PTPRM: variants seen among roughly 807,000 people sequenced by gnomAD.
PTPRM encodes protein tyrosine phosphatase receptor type M.
In PTPRM, 47 loss-of-function variants were observed where a neutral mutation model predicts 186.7. The observed-to-expected ratio is 0.25, with a 90% confidence interval of 0.20 to 0.32. PTPRM has a LOEUF of 0.32. Ranked by LOEUF, PTPRM falls within the 10% of genes least tolerant of loss-of-function variation. The probability of loss-of-function intolerance (pLI) is 1.00; values close to 1 mark genes in which losing one functional copy is unlikely to be tolerated. For missense variants in PTPRM, 1,494 were observed against 1,865.0 expected, an observed-to-expected ratio of 0.80 and a Z score of 3.66; for synonymous variants, 668 against 674.9, an observed-to-expected ratio of 0.99 and a Z score of 0.16.
chr18:8,191,471 A>G (rs1206707828), intron 14 of PTPRM, among the ~76,000 whole-genome samples: 1 of 152,212 alleles, frequency 6.6e-6, no homozygotes, highest in Non-Finnish European at 1.5e-5. Flanking sequence ...GGAAGAGGCA[A>G]GGGAATAGGA....
chr18:8,327,502 GTTGGCATAAAAC>G (rs2095384972), intron 22 of PTPRM, among the ~76,000 whole-genome samples: 1 of 152,230 alleles, frequency 6.6e-6, no homozygotes, highest in South Asian at 2.1e-4. Flanking sequence ...CTTGTAGTGA[GTTGGCATAAAAC>G]ATAAGCTCAG....
chr18:7,990,566 T>A (rs989096047), intron 7 of PTPRM, among the ~76,000 whole-genome samples: 1 of 152,180 alleles, frequency 6.6e-6, no homozygotes, highest in African/African-American at 2.4e-5. Context: ...GTTAAAAGCC[T>A]CAAATGGGTT....
intron 20 of PTPRM, among the ~76,000 whole-genome samples, chr18:8,311,035 G>A (rs147846719): frequency 6.0e-4 from 92 of 152,312 alleles, no homozygotes; most frequent in African/African-American, 2.0e-3. Flanking sequence ...TAGGCTGGGC[G>A]TGGTGGCTCA....
At chr18:7,780,605 T>G (rs2042807974) in intron 2 of PTPRM, among the ~76,000 whole-genome samples, 2 of 152,272 alleles carry the variant, frequency 1.3e-5, no homozygotes, top group South Asian at 4.1e-4. Context: ...TAGCTGTTCG[T>G]GGAACGACTA....
chr18:8,236,714 G>A (rs550022676), intron 14 of PTPRM, among the ~76,000 whole-genome samples: 167 of 151,914 alleles, frequency 1.1e-3, no homozygotes, highest in African/African-American at 3.8e-3. Flanking sequence ...GTTAATTTTT[G>A]TATTTTTGGT....
intron 7 of PTPRM, among the ~76,000 whole-genome samples, chr18:8,000,223 C>A (rs2083787154): frequency 6.6e-6 from 1 of 152,156 alleles, no homozygotes. Flanking sequence ...CCTTGTCAAC[C>A]TGACACATAA....
intron 1 of PTPRM, among the ~76,000 whole-genome samples, chr18:7,674,097 C>A (rs891337270): frequency 2.6e-5 from 4 of 152,104 alleles, no homozygotes; most frequent in Non-Finnish European, 5.9e-5. Context: ...TATTTAAATA[C>A]CCCTAGTGAA....
intron 6 of PTPRM, among the ~76,000 whole-genome samples, chr18:7,954,427 C>T (rs759062937): frequency 1.2e-4 from 18 of 152,094 alleles, no homozygotes; most frequent in African/African-American, 1.7e-4. Context: ...CAAAATGAAT[C>T]CATTGTGATA....
chr18:7,960,474 TATATATACACAC>T (rs1469713154), intron 7 of PTPRM, among the ~76,000 whole-genome samples: 3 of 111,294 alleles, frequency 2.7e-5, no homozygotes, highest in Non-Finnish European at 5.4e-5. Context: ...TATATATATA[TATATATACACAC>T]ACACACACAC....
At chr18:8,352,020 A>G (rs1437829721) in intron 23 of PTPRM, among the ~76,000 whole-genome samples, 1 of 152,198 alleles carries the variant, frequency 6.6e-6, no homozygotes, top group Non-Finnish European at 1.5e-5. Flanking sequence ...GCCCAAAGAT[A>G]GGCTTTTTAA....
At chr18:7,648,996 G>A (rs2038632139) in intron 1 of PTPRM, among the ~76,000 whole-genome samples, 1 of 152,148 alleles carries the variant, frequency 6.6e-6, no homozygotes, top group Non-Finnish European at 1.5e-5. Flanking sequence ...TTCAAGGAGA[G>A]GCCAACTCTC....
At chr18:7,704,308 A>G (rs986885145) in intron 1 of PTPRM, among the ~76,000 whole-genome samples, 3 of 152,002 alleles carry the variant, frequency 2.0e-5, no homozygotes, top group Admixed American at 6.6e-5. Context: ...GTCCTGGGCT[A>G]TTTTTGGTTG....
chr18:8,078,668 A>G (rs893940095), intron 9 of PTPRM, among the ~76,000 whole-genome samples: 3 of 152,202 alleles, frequency 2.0e-5, no homozygotes, highest in Middle Eastern at 3.2e-3. Context: ...GAGGCTTGGT[A>G]ACTTATAAAG....
At chr18:8,050,494 A>G (rs1600260707) in intron 7 of PTPRM, among the ~76,000 whole-genome samples, 1 of 152,140 alleles carries the variant, frequency 6.6e-6, no homozygotes, top group African/African-American at 2.4e-5. Flanking sequence ...GTTTCCTGAA[A>G]AAAAAAAACC....
chr18:7,747,676 T>G (rs1183901594), intron 1 of PTPRM: 1 of 152,264 alleles, frequency 6.6e-6, no homozygotes, highest in African/African-American at 2.4e-5. Flanking sequence ...TGAATCTTTG[T>G]GTCTAAACTC....
intron 1 of PTPRM, among the ~76,000 whole-genome samples, chr18:7,583,986 A>T (rs2036911984): frequency 6.6e-6 from 1 of 152,068 alleles, no homozygotes; most frequent in South Asian, 2.1e-4. Context: ...TAAAGAAAAC[A>T]TGTAGATCTG....
intron 1 of PTPRM, among the ~76,000 whole-genome samples, chr18:7,721,004 A>C (rs959072038): frequency 2.0e-5 from 3 of 152,104 alleles, no homozygotes; most frequent in Non-Finnish European, 4.4e-5. Flanking sequence ...GGAATGCAGG[A>C]TCATAGGGTA....
intron 13 of PTPRM, among the ~76,000 whole-genome samples, chr18:8,117,187 A>G (rs1004007195): frequency 6.6e-6 from 1 of 152,216 alleles, no homozygotes; most frequent in African/African-American, 2.4e-5. Context: ...TCTTGACTAC[A>G]TAGTCAAAAC....
At chr18:7,746,702 G>A (rs1301625641) in intron 1 of PTPRM, among the ~76,000 whole-genome samples, 1 of 152,184 alleles carries the variant, frequency 6.6e-6, no homozygotes, top group Non-Finnish European at 1.5e-5. Flanking sequence ...CTAGTCTCAT[G>A]TGATCTTCCT....
Sources: gnomAD v4.1 joint callset for allele counts (sites outside exome capture counted in the v4.1 genomes callset) on GRCh38, gnomAD v4.1.1 for gene constraint, MANE v1.5 for transcripts, NCBI Gene and HGNC (gene_info 2026-07-23, HGNC 2026-07-21) for gene names.